SNX9: variants seen among roughly 807,000 people sequenced by gnomAD.
SNX9 encodes sorting nexin 9.
In SNX9, 44 loss-of-function variants were observed where a neutral mutation model predicts 89.4. The observed-to-expected ratio is 0.49, with a 90% CI of 0.39 to 0.63. The LOEUF is 0.63. SNX9 is among the 30% of genes least tolerant of loss of function. The pLI, the probability that SNX9 is intolerant of heterozygous loss-of-function variation, is 0.00. For missense variants in SNX9, 578 were observed against 736.1 expected, an observed-to-expected ratio of 0.79 and a Z score of 2.49; for synonymous variants, 236 against 247.8, an observed-to-expected ratio of 0.95 and a Z score of 0.45.
chr6:157,887,999 C>T (rs1782772468), intron 4 of SNX9, among the ~76,000 whole-genome samples: 1 of 152,180 alleles, frequency 6.6e-6, no homozygotes, highest in South Asian at 2.1e-4. Flanking sequence ...TCAGTTACCT[C>T]TTCTCACAAG....
At chr6:157,873,940 C>T (rs774777954) in intron 3 of SNX9, among the ~76,000 whole-genome samples, 5 of 152,160 alleles carry the variant, frequency 3.3e-5, no homozygotes, top group African/African-American at 9.7e-5. Flanking sequence ...GGTTGTCTTT[C>T]GGTCCCTCCA....
intron 4 of SNX9, among the ~76,000 whole-genome samples, chr6:157,896,368 T>TG (rs1005538569): frequency 2.0e-5 from 3 of 152,108 alleles, no homozygotes; most frequent in African/African-American, 7.2e-5. Flanking sequence ...TCATGTTGAG[T>TG]GGGAAAAAGA....
intron 2 of SNX9, among the ~76,000 whole-genome samples, chr6:157,870,522 G>A (rs1222527443): frequency 6.9e-6 from 1 of 145,624 alleles, no homozygotes; most frequent in African/African-American, 2.6e-5. Flanking sequence ...GCACTCACCT[G>A]TGCAAGCACG....
intron 4 of SNX9, among the ~76,000 whole-genome samples, chr6:157,896,509 A>C (rs1298647577): frequency 6.6e-6 from 1 of 152,212 alleles, no homozygotes; most frequent in Non-Finnish European, 1.5e-5. Flanking sequence ...ACAGGTTCAG[A>C]AAAGTAGTGG....
intron 14 of SNX9, among the ~76,000 whole-genome samples, chr6:157,936,332 C>T (rs1164135094): frequency 1.3e-5 from 2 of 152,108 alleles, no homozygotes; most frequent in Admixed American, 1.3e-4. Context: ...TCGAGACCAG[C>T]CTGGGCAACA....
chr6:157,911,881 A>G (rs1166544799), intron 9 of SNX9, among the ~76,000 whole-genome samples: 2 of 152,200 alleles, frequency 1.3e-5, no homozygotes, highest in African/African-American at 2.4e-5. Flanking sequence ...TCAAATTGTC[A>G]TAGCAAAATT....
chr6:157,824,288 G>C (rs1279673326), intron 1 of SNX9, among the ~76,000 whole-genome samples: 1 of 152,182 alleles, frequency 6.6e-6, no homozygotes, highest in Non-Finnish European at 1.5e-5. Context: ...GGCGTTTTCA[G>C]TAGTTACTTG....
intron 4 of SNX9, among the ~76,000 whole-genome samples, chr6:157,877,610 C>T (rs1297335288): frequency 2.0e-5 from 3 of 152,112 alleles, no homozygotes; most frequent in African/African-American, 4.8e-5. Flanking sequence ...TTTCTGAATG[C>T]GGGTAGGAAG....
At chr6:157,905,754 C>G (rs1353830566) in intron 6 of SNX9, among the ~76,000 whole-genome samples, 5 of 152,206 alleles carry the variant, frequency 3.3e-5, no homozygotes, top group Admixed American at 2.6e-4. Flanking sequence ...CAGCATGTGG[C>G]TATTGCCCCC....
In SNX9 at chr6:157,942,930, AAAAG is replaced by A; in HGVS notation, c.*93_*96del. On this transcript the variant is annotated 3_prime_UTR_variant, in exon 18 of 18. Coordinates refer to ENST00000392185, the MANE Select transcript of SNX9 (RefSeq NM_016224.5). ...TTTTTTTCCCCTATTATTCAGAAAA[AAAAG>A]GAAACAAAACCAAAAAGAAAGAGTT... The A allele has an allele frequency of 7.3e-7, 1 of 1,370,342 alleles. No individual in the cohort carries two copies. Among genetic ancestry groups the A allele is most frequent in the Non-Finnish European group, 1.0e-6 (1 of 1,004,534 alleles). 84.9% of individuals were successfully genotyped at this position (1,370,342 alleles called of 1,614,324 possible).
chr6:157,823,586 G>A lies in SNX9; in HGVS notation c.12+140G>A, dbSNP rs969074956. ...CGCTTCCTCGGTGGAGTCCCCGGGC[G>A]GGTCCGCGGCCCAGCCAGTCCCTTC... On this transcript the variant is annotated intron_variant, in intron 1 of 17. Transcript: ENST00000392185. The surrounding 1 kb of genome is among the most constrained non-coding windows in gnomAD (Gnocchi z 4.6). 1.0e-5 allele frequency: 7 copies of A among 702,738 alleles called. No individual in the cohort carries two copies. The African/African-American group carries it at 1.3e-4, about 13-fold the overall frequency. The allele number at this position is 702,738 out of a possible 1,614,324, so 43.5% of individuals were successfully genotyped here. A position where few individuals can be genotyped will look rare whatever the true frequency, so the allele number is the denominator to read the frequency against.
chr6:157,841,940 C>T (rs73573824), intron 1 of SNX9, among the ~76,000 whole-genome samples: 4,823 of 152,180 alleles, frequency 0.032, 253 homozygotes, highest in African/African-American at 0.11. Context: ...ACTCATCACC[C>T]ACCTCCACAG....
At chr6:157,837,063 G>C (rs1289144714) in intron 1 of SNX9, among the ~76,000 whole-genome samples, 1 of 152,216 alleles carries the variant, frequency 6.6e-6, no homozygotes, top group Non-Finnish European at 1.5e-5. Context: ...GCACTAGCAT[G>C]CCGTGTGCAG....
chr6:157,938,488 TAG>T, intron 15 of SNX9, 143 bp from the exon 16 acceptor site: 1 of 554,666 alleles, frequency 1.8e-6, no homozygotes, highest in South Asian at 2.9e-5. Context: ...AAGTTAAATT[TAG>T]ATGCTTTCCT....
intron 1 of SNX9, among the ~76,000 whole-genome samples, chr6:157,854,949 A>C (rs1781980021): frequency 7.2e-6 from 1 of 139,496 alleles, no homozygotes; most frequent in African/African-American, 2.9e-5. Context: ...TAATAGGTTC[A>C]TGTTAAAAAA....
At chr6:157,839,261 C>T (rs2115111788) in intron 1 of SNX9, among the ~76,000 whole-genome samples, 1 of 152,234 alleles carries the variant, frequency 6.6e-6, no homozygotes, top group African/African-American at 2.4e-5. Flanking sequence ...CTCTGTGATT[C>T]ATTATAGCTG....
At chr6:157,939,265 G>A (rs1427199272) in intron 16 of SNX9, among the ~76,000 whole-genome samples, 1 of 152,150 alleles carries the variant, frequency 6.6e-6, no homozygotes, top group African/African-American at 2.4e-5. Flanking sequence ...TGGAGAGCGT[G>A]TTCTGTTAGG....
chr6:157,867,432 C>A, intron 1 of SNX9, 115 bp from the exon 2 acceptor site: 1 of 745,120 alleles, frequency 1.3e-6, no homozygotes, highest in Non-Finnish European at 2.2e-6. Flanking sequence ...CCAAAACAGC[C>A]ACAGCCACTA....
chr6:157,857,284 G>A (rs753210950), intron 1 of SNX9, among the ~76,000 whole-genome samples: 3 of 152,214 alleles, frequency 2.0e-5, no homozygotes, highest in Non-Finnish European at 4.4e-5. Flanking sequence ...TAGTGTCTTT[G>A]ATAATCTGAT....
Sources: allele counts gnomAD v4.1 joint callset (sites outside exome capture counted in the v4.1 genomes callset), GRCh38; gene constraint gnomAD v4.1.1; non-coding constraint Gnocchi (gnomAD v3.1); transcripts MANE v1.5; gene names NCBI Gene and HGNC (gene_info 2026-07-23, HGNC 2026-07-21).